PCDH11X: variants seen among roughly 807,000 people sequenced by gnomAD.
PCDH11X encodes protocadherin 11 X-linked.
A neutral mutation model predicts 53.3 loss-of-function variants in PCDH11X; 18 were observed. That is an observed-to-expected ratio of 0.34 (90% confidence interval 0.23 to 0.50). PCDH11X has a LOEUF of 0.50. Among genes scored for constraint, PCDH11X ranks in the 20% least tolerant of loss-of-function variants. The probability of loss-of-function intolerance (pLI) is 0.98; values close to 1 mark genes in which losing one functional copy is unlikely to be tolerated. For synonymous variants in PCDH11X, 279 were observed against 393.3 expected, an observed-to-expected ratio of 0.71 and a Z score of 3.44; for missense variants, 570 against 1,032.4, an observed-to-expected ratio of 0.55 and a Z score of 6.14.
chrX:92,485,424 G>T (rs2073621390), intron 10 of PCDH11X, among the ~76,000 whole-genome samples: 1 of 111,384 alleles, frequency 9.0e-6, no homozygotes, highest in Non-Finnish European at 1.9e-5. Flanking sequence ...GTAACAAGAT[G>T]ACATAATTGC....
chrX:92,210,034 G>C (rs937388932), intron 7 of PCDH11X, among the ~76,000 whole-genome samples: 1 of 110,803 alleles, frequency 9.0e-6, no homozygotes, highest in African/African-American at 3.3e-5. Context: ...GCTGCACAGA[G>C]CAGCAGGGTC....
chrX:92,213,280 T>A (rs896746966), intron 7 of PCDH11X, among the ~76,000 whole-genome samples: 1 of 112,153 alleles, frequency 8.9e-6, no homozygotes, highest in Non-Finnish European at 1.9e-5. Context: ...TTGCTTTTAA[T>A]CATTAGTAAC....
At chrX:92,345,040 CT>C (rs1449721356) in intron 8 of PCDH11X, among the ~76,000 whole-genome samples, 1 of 109,637 alleles carries the variant, frequency 9.1e-6, no homozygotes, top group African/African-American at 3.3e-5. Context: ...GTTTCTTTTC[CT>C]TTTTTACCTA....
At chrX:92,215,405 G>A (rs1230498525) in intron 7 of PCDH11X, among the ~76,000 whole-genome samples, 1 of 106,598 alleles carries the variant, frequency 9.4e-6, no homozygotes. Flanking sequence ...ATTATATCCT[G>A]CACCTGGCTC....
chrX:92,512,587 G>GA (rs755396612), intron 10 of PCDH11X, among the ~76,000 whole-genome samples: 1 of 111,595 alleles, frequency 9.0e-6, no homozygotes, highest in East Asian at 2.8e-4. Flanking sequence ...GCAAAAGAAA[G>GA]AAAAATGTCT....
intron 6 of PCDH11X, among the ~76,000 whole-genome samples, chrX:91,894,632 C>T (rs893619297): frequency 2.7e-5 from 3 of 111,171 alleles, no homozygotes; most frequent in African/African-American, 9.8e-5. Flanking sequence ...GGTACAATAA[C>T]AATATTCCAA....
intron 6 of PCDH11X, among the ~76,000 whole-genome samples, chrX:92,083,887 G>A (rs774428118): frequency 9.0e-6 from 1 of 110,563 alleles, no homozygotes; most frequent in Non-Finnish European, 1.9e-5. Context: ...TCAGGAGTTC[G>A]AGACCAGCCT....
At chrX:92,147,060 G>A (rs1243524896) in intron 6 of PCDH11X, among the ~76,000 whole-genome samples, 1 of 109,633 alleles carries the variant, frequency 9.1e-6, no homozygotes, top group Non-Finnish European at 1.9e-5. Context: ...TTGATATGAG[G>A]TTACATTTTT....
Position 92,073,158 on chromosome X carries a change from G to A in PCDH11X, c.3034-128217G>A, listed in dbSNP as rs72605184. On this transcript the variant is annotated intron_variant, in intron 6 of 10. Transcript: ENST00000682573. ...ACATATTCTTTCTCCATACCTCATG[G>A]CCACAACCTGGGGCTGGGGGAAGGG... Among the ~76,000 whole-genome samples the A allele has an allele frequency of 3.7e-4, 41 of 111,678 alleles. 1 individual carries two copies. Among genetic ancestry groups the A allele is most frequent in the Admixed American group, 1.7e-3 (18 of 10,481 alleles).
At chrX:92,459,843 G>A in intron 9 of PCDH11X, 1 of 1,114,208 alleles carries the variant, frequency 9.0e-7, no homozygotes, top group South Asian at 1.9e-5. Context: ...GTGGCATGGG[G>A]CCTGGGGGCC....
intron 6 of PCDH11X, among the ~76,000 whole-genome samples, chrX:92,184,792 C>T (rs1353525328): frequency 9.0e-6 from 1 of 111,008 alleles, no homozygotes; most frequent in Non-Finnish European, 1.9e-5. Flanking sequence ...GCCTATAATC[C>T]TGGCACTTTG....
chrX:92,575,997 T>C (rs1602367674), intron 10 of PCDH11X, among the ~76,000 whole-genome samples: 1 of 63,534 alleles, frequency 1.6e-5, no homozygotes, highest in Non-Finnish European at 2.6e-5. Context: ...TATATATATA[T>C]ATATATATAT....
At chrX:91,828,310 C>T (rs1231923145) in intron 4 of PCDH11X, among the ~76,000 whole-genome samples, 8 of 109,250 alleles carry the variant, frequency 7.3e-5, no homozygotes, top group Non-Finnish European at 1.3e-4. Flanking sequence ...TTAGTAGAGA[C>T]GGGGTTTCAC....
chrX:92,249,319 A>G (rs1284129149), intron 7 of PCDH11X, among the ~76,000 whole-genome samples: 1 of 111,913 alleles, frequency 8.9e-6, no homozygotes, highest in Non-Finnish European at 1.9e-5. Context: ...TAGACACAAT[A>G]TACATTCTCA....
chrX:92,380,837 A>G (rs2070859574), intron 8 of PCDH11X, among the ~76,000 whole-genome samples: 1 of 79,510 alleles, frequency 1.3e-5, no homozygotes, highest in African/African-American at 4.9e-5. Flanking sequence ...TACTCCTTGG[A>G]CCATAGCATA....
chrX:92,007,760 C>T (rs1204504684), intron 6 of PCDH11X, among the ~76,000 whole-genome samples: 1 of 112,160 alleles, frequency 8.9e-6, no homozygotes, highest in Non-Finnish European at 1.9e-5. Flanking sequence ...CTGAGCCTCA[C>T]CTGGAGCCAG....
intron 6 of PCDH11X, among the ~76,000 whole-genome samples, chrX:91,892,506 C>T (rs1940540908): frequency 9.0e-6 from 1 of 110,813 alleles, no homozygotes; most frequent in Non-Finnish European, 1.9e-5. Context: ...CCATGCACCT[C>T]ATATTTTTGT....
chrX:92,553,976 AC>A (rs1424263745), intron 10 of PCDH11X, among the ~76,000 whole-genome samples: 8 of 111,405 alleles, frequency 7.2e-5, no homozygotes, highest in Non-Finnish European at 1.1e-4. Context: ...TTCTTTATTT[AC>A]ACAGAGTCAG....
rs1364773046 is a variant in PCDH11X at position 91,796,510 on chromosome X, TAAGTA to T, written c.-378-12951_-378-12947del. Reference sequence around the variant, plus strand: ...TGATTCAGAAGCTACTGAAGACAAATAAGTAAAGTTGGAAACTGTTAAAGGACTAA... The same window carrying T: ...TGATTCAGAAGCTACTGAAGACAAATAAGTTGGAAACTGTTAAAGGACTAA... On this transcript the variant is annotated intron_variant, in intron 1 of 10. Transcript: ENST00000682573. Among the ~76,000 whole-genome samples, 5 of 111,048 alleles carry T rather than the reference TAAGTA, an allele frequency of 4.5e-5. No individual in the cohort carries two copies. In the Admixed American group the frequency reaches 4.8e-4, roughly 11 times the overall value.
Sources: allele counts gnomAD v4.1 joint callset (sites outside exome capture counted in the v4.1 genomes callset), GRCh38; gene constraint gnomAD v4.1.1; transcripts MANE v1.5; gene names NCBI Gene and HGNC (gene_info 2026-07-23, HGNC 2026-07-21).